MSH3: variants seen among roughly 807,000 people sequenced by gnomAD.
MSH3 encodes the protein mutS homolog 3.
MSH3 carries 106 observed loss-of-function variants against 123.3 expected under a neutral mutation model. The ratio of observed to expected loss-of-function variants is 0.86; its 90% confidence interval spans 0.73 to 1.01. MSH3 has a LOEUF of 1.01. MSH3 is among the 50% of genes least tolerant of loss of function. The pLI, the probability that MSH3 is intolerant of heterozygous loss-of-function variation, is 0.00. For synonymous variants in MSH3, 515 were observed against 481.4 expected, an observed-to-expected ratio of 1.07 and a Z score of -0.91; for missense variants, 1,459 against 1,347.6, an observed-to-expected ratio of 1.08 and a Z score of -1.29.
At chr5:80,736,740 G>A (rs1409606619) in intron 10 of MSH3, among the ~76,000 whole-genome samples, 1 of 152,158 alleles carries the variant, frequency 6.6e-6, no homozygotes, top group Admixed American at 6.6e-5. Flanking sequence ...TGGGTGCTGA[G>A]TCTCTAATGA....
At chr5:80,773,290 T>C (rs1744242937) in intron 15 of MSH3, among the ~76,000 whole-genome samples, 2 of 152,236 alleles carry the variant, frequency 1.3e-5, no homozygotes, top group African/African-American at 4.8e-5. Context: ...ACAGCAGAAT[T>C]ATTTAGCACA....
chr5:80,807,762 C>T (rs1454214849), intron 19 of MSH3, among the ~76,000 whole-genome samples: 1 of 152,206 alleles, frequency 6.6e-6, no homozygotes, highest in East Asian at 1.9e-4. Flanking sequence ...AGGCAGGAAC[C>T]AGCCCTGGAC....
chr5:80,767,479 A>G (rs1025400399), intron 13 of MSH3, among the ~76,000 whole-genome samples: 28 of 152,162 alleles, frequency 1.8e-4, no homozygotes, highest in African/African-American at 6.3e-4. Context: ...ATAATCGTAT[A>G]CATACTTGCT....
intron 17 of MSH3, among the ~76,000 whole-genome samples, chr5:80,782,038 T>G (rs1744418996): frequency 6.6e-6 from 1 of 151,812 alleles, no homozygotes; most frequent in South Asian, 2.1e-4. Flanking sequence ...CATACAGACT[T>G]TTATATTTTT....
chr5:80,830,927 A>G (rs1745405333), intron 20 of MSH3, among the ~76,000 whole-genome samples: 1 of 152,172 alleles, frequency 6.6e-6, no homozygotes, highest in South Asian at 2.1e-4. Flanking sequence ...TTATAAATAA[A>G]CTTTAAATAC....
chr5:80,665,196 A>G lies in MSH3; in HGVS notation c.412A>G (p.Lys138Glu). 6.2e-7 allele frequency: 1 copy of G among 1,614,092 alleles called. No individual in the cohort carries two copies. Among genetic ancestry groups the G allele is most frequent in the Non-Finnish European group, 8.5e-7 (1 of 1,179,992 alleles). ...TGTTTCAAAGTCTCTGGAAAAATTG[A>G]AAGAATTCTGCTGCGATTCTGCCCT... is the stretch of plus-strand genomic sequence containing the variant. The part of the protein sequence containing the change: ...RNVSKSLEKL[K>E]EFCCDSALPQ... Residue 138 changes from lysine to glutamate, a missense_variant, in exon 3 of 24, where the codon AAA becomes GAA. Lys to Glu is a moderately conservative substitution (Grantham distance 56). Transcript: ENST00000265081.
At chr5:80,726,135 C>T (rs1362862446) in intron 9 of MSH3, among the ~76,000 whole-genome samples, 1 of 152,138 alleles carries the variant, frequency 6.6e-6, no homozygotes, top group Non-Finnish European at 1.5e-5. Flanking sequence ...ATTCACATGT[C>T]CACAATCAGG....
chr5:80,715,138 T>A (rs1750935403), intron 8 of MSH3: 1 of 152,220 alleles, frequency 6.6e-6, no homozygotes, highest in Non-Finnish European at 1.5e-5. Context: ...TACTCATTTT[T>A]AAAATGGGAA....
intron 17 of MSH3, among the ~76,000 whole-genome samples, chr5:80,780,938 A>G (rs897984721): frequency 1.3e-5 from 2 of 152,202 alleles, no homozygotes; most frequent in African/African-American, 4.8e-5. Flanking sequence ...TATTTCAAGT[A>G]ATCAACCCGA....
At chr5:80,730,699 G>C (rs1179837665) in intron 10 of MSH3, among the ~76,000 whole-genome samples, 1 of 151,756 alleles carries the variant, frequency 6.6e-6, no homozygotes, top group African/African-American at 2.4e-5. Flanking sequence ...TTCATGATAG[G>C]GACCCTGTAA....
intron 8 of MSH3, among the ~76,000 whole-genome samples, chr5:80,689,301 T>A (rs980759341): frequency 2.0e-5 from 3 of 152,214 alleles, no homozygotes; most frequent in African/African-American, 7.2e-5. Context: ...TTTAGATGTT[T>A]CTCAAATTTG....
intron 2 of MSH3, among the ~76,000 whole-genome samples, chr5:80,661,571 CCT>C (rs35221971): frequency 0.27 from 41,044 of 151,952 alleles, 5,719 homozygotes; most frequent in Middle Eastern, 0.35. Flanking sequence ...TCCTTTTGCT[CCT>C]CTTTTTGCTC....
chr5:80,684,264 T>A (rs1750035885), intron 8 of MSH3, among the ~76,000 whole-genome samples: 2 of 152,338 alleles, frequency 1.3e-5, no homozygotes, highest in Non-Finnish European at 2.9e-5. Flanking sequence ...ATCTGTAGAT[T>A]GCTTTGGGTA....
chr5:80,825,168 A>G (rs1439133970), intron 20 of MSH3, among the ~76,000 whole-genome samples: 2 of 152,162 alleles, frequency 1.3e-5, no homozygotes, highest in African/African-American at 4.8e-5. Flanking sequence ...GAAATAAAAC[A>G]CTACAATACA....
chr5:80,768,027 AG>A lies in MSH3; in HGVS notation c.1992del (p.Gln664HisfsTer10), dbSNP rs1328242717. ...ATACCTGCTGTTAATTCCCACATTC[AG>A]TCAGACTTGCTCCGGACCGTTATTT... is the stretch of plus-strand genomic sequence containing the variant. Reference protein sequence around the residue: ...AIIPAVNSHIQSDLLRTVILE... With the variant: ...AIIPAVNSHIXSDLLRTVILE... On this transcript the variant is annotated frameshift_variant, in exon 14 of 24. Transcript: ENST00000265081. LOFTEE classifies it high-confidence loss of function. 1 of 1,613,630 alleles carries A rather than the reference AG, an allele frequency of 6.2e-7. No homozygotes were observed. The highest frequency in any genetic ancestry group is 1.3e-5 in the African/African-American group (1 of 74,904).
rs966641380 is a variant in MSH3 at position 80,875,997 on chromosome 5, CAG to C, written c.*140_*141del. 6 of 660,766 alleles carry C rather than the reference CAG, an allele frequency of 9.1e-6. No individual in the cohort carries two copies. Among genetic ancestry groups the C allele is most frequent in the African/African-American group, 3.6e-5 (2 of 54,832 alleles). The allele number at this position is 660,766 out of a possible 1,614,324, so 40.9% of individuals were successfully genotyped here. ...GACCATGGTATATTCCTATTGGAAA[CAG>C]AGAGGTTTTTCTGAAGACAGTCTTT... is the stretch of plus-strand genomic sequence containing the variant. On this transcript the variant is annotated 3_prime_UTR_variant, in exon 24 of 24. Coordinates refer to ENST00000265081, the MANE Select transcript of MSH3 (RefSeq NM_002439.5).
intron 22 of MSH3, among the ~76,000 whole-genome samples, chr5:80,869,896 G>A (rs1029371379): frequency 1.8e-4 from 27 of 148,994 alleles, no homozygotes; most frequent in Non-Finnish European, 2.5e-4. Flanking sequence ...TTAATAGGCT[G>A]GGCATGGTGG....
chr5:80,813,097 T>C (rs1447758847), intron 19 of MSH3, among the ~76,000 whole-genome samples: 3 of 152,204 alleles, frequency 2.0e-5, no homozygotes, highest in Non-Finnish European at 4.4e-5. Flanking sequence ...TAGTAAATAA[T>C]TAAATGCTGG....
intron 23 of MSH3, among the ~76,000 whole-genome samples, chr5:80,874,686 C>T (rs1009739987): frequency 6.6e-6 from 1 of 151,916 alleles, no homozygotes; most frequent in African/African-American, 2.4e-5. Flanking sequence ...TCTAAATTTG[C>T]TGTAGAAATA....
Sources: allele counts gnomAD v4.1 joint callset (sites outside exome capture counted in the v4.1 genomes callset), GRCh38; gene constraint gnomAD v4.1.1; transcripts MANE v1.5; gene names NCBI Gene and HGNC (gene_info 2026-07-23, HGNC 2026-07-21).